Variants in CTC1 observed in about 807,000 individuals in gnomAD.
CTC1 encodes CST complex subunit CTC1.
In CTC1, 91 loss-of-function variants were observed where a neutral mutation model predicts 136.3. The observed-to-expected ratio is 0.67, with a 90% CI of 0.56 to 0.79. The LOEUF (loss-of-function observed/expected upper bound fraction) is 0.79, where lower values mean the gene tolerates loss of function less well. Ranked by LOEUF, CTC1 falls within the 30% of genes least tolerant of loss-of-function variation. The pLI is 0.00. For missense variants in CTC1, 1,432 were observed against 1,498.1 expected (o/e 0.96, Z 0.73); for synonymous variants, 606 against 613.8 (o/e 0.99, Z 0.19).
chr17:8,239,933 C>T (rs1378917863), intron 2 of CTC1, among the ~76,000 whole-genome samples: 1 of 152,130 alleles, frequency 6.6e-6, no homozygotes, highest in Non-Finnish European at 1.5e-5. Context: ...CCTGTTGGCC[C>T]CTGCCATGCA....
chr17:8,244,458 A>C (rs556779782), intron 1 of CTC1, among the ~76,000 whole-genome samples: 19 of 151,988 alleles, frequency 1.3e-4, no homozygotes, highest in Admixed American at 2.0e-4. Flanking sequence ...GCTACTTCTA[A>C]GCCATTACAG....
In CTC1 at chr17:8,226,256, C is replaced by T. The variant is rs1465272730; in HGVS notation, c.*1924G>A. ...ATAAAGGCACCGCTGGGATTCGAAC[C>T]CAGGATCTCCTGTTTACTAGACAGG... On this transcript the variant is annotated 3_prime_UTR_variant, in exon 23 of 23. Transcript: ENST00000651323. 1 of 152,276 alleles carries T rather than the reference C, an allele frequency of 6.6e-6. No individual in the cohort carries two copies. The highest frequency in any genetic ancestry group is 1.5e-5 in the Non-Finnish European group (1 of 68,026). 9.4% of individuals were successfully genotyped at this position (152,276 alleles called of 1,614,324 possible).
In CTC1 at chr17:8,236,246, G is replaced by T; in HGVS notation, c.889C>A (p.His297Asn). 1 of 1,614,166 alleles carries T rather than the reference G, an allele frequency of 6.2e-7. No individual in the cohort carries two copies. Among genetic ancestry groups the T allele is most frequent in the Non-Finnish European group, 8.5e-7 (1 of 1,180,032 alleles). Residue 297 changes from histidine to asparagine, a missense_variant, in exon 6 of 23, where the codon CAT becomes AAT. His to Asn is a moderately conservative substitution (Grantham distance 68, BLOSUM62 1). Coordinates refer to ENST00000651323, the MANE Select transcript of CTC1 (RefSeq NM_025099.6). ...GAGGACTGACTGGTCATCCAAACAT[G>T]CTGGCGCTGACCACGGATCTTGGAC... is the stretch of plus-strand genomic sequence containing the variant. Reference protein sequence around the residue: ...RVSKIRGQRQHVWMTSQSSRL... With the variant: ...RVSKIRGQRQNVWMTSQSSRL...
intron 2 of CTC1, among the ~76,000 whole-genome samples, chr17:8,240,863 C>T (rs1278041400): frequency 2.0e-5 from 3 of 151,448 alleles, no homozygotes; most frequent in Admixed American, 6.6e-5. Context: ...GCCACAAGAG[C>T]GAAATTCCAT....
intron 1 of CTC1, among the ~76,000 whole-genome samples, chr17:8,245,254 T>C (rs773225701): frequency 6.6e-6 from 1 of 152,124 alleles, no homozygotes; most frequent in Non-Finnish European, 1.5e-5. Flanking sequence ...TGAGGTTACC[T>C]ACATAATAAA....
intron 4 of CTC1, 112 bp downstream of exon 4, chr17:8,237,919 G>A (rs1042456803): frequency 1.7e-5 from 14 of 832,110 alleles, no homozygotes; most frequent in Non-Finnish European, 2.7e-5. Flanking sequence ...CCCTTGATTT[G>A]GAACATTCAG....
In CTC1 at chr17:8,242,929, A is replaced by G. The variant is rs1988392195; in HGVS notation, c.197+56T>C. 5.3e-6 allele frequency: 8 copies of G among 1,503,296 alleles called. No individual in the cohort carries two copies. The South Asian group carries it at 6.2e-5, about 12-fold the overall frequency. 93.1% of individuals were successfully genotyped at this position (1,503,296 alleles called of 1,614,324 possible). A position where few individuals can be genotyped will look rare whatever the true frequency, so the allele number is the denominator to read the frequency against. The stretch of plus-strand genomic sequence containing the variant: ...TCTAATTATAGAACCTTACTTTTCA[A>G]TCCTGAATTCAATACCTGCCCCTGC... On this transcript the variant is annotated intron_variant, in intron 2 of 22. Coordinates refer to ENST00000651323, the MANE Select transcript of CTC1 (RefSeq NM_025099.6).
rs1418453315 is a variant in CTC1, at chr17:8,238,999, G to A, written c.198-370C>T. Among the ~76,000 whole-genome samples, 4 of 145,798 alleles carry A rather than the reference G, an allele frequency of 2.7e-5. No homozygotes were observed. In the East Asian group the frequency reaches 8.4e-4, roughly 30 times the overall value. On this transcript the variant is annotated intron_variant, in intron 2 of 22. Transcript: ENST00000651323. ...CCCAGTTTCTTGGGATGCTGAGGCA[G>A]AAGAATTGCTTGAACCCAGGAGATG...
chr17:8,244,899 T>C (rs1463726693), intron 1 of CTC1, among the ~76,000 whole-genome samples: 1 of 152,030 alleles, frequency 6.6e-6, no homozygotes, highest in Non-Finnish European at 1.5e-5. Flanking sequence ...TCAACCTAAA[T>C]GCACATCAAC....
chr17:8,230,067 C>T lies in CTC1; in HGVS notation c.2934-99G>A, dbSNP rs972666575. On this transcript the variant is annotated intron_variant, in intron 17 of 22. Transcript: ENST00000651323. Reference sequence around the variant, plus strand: ...CAAGCACCACAGAGTGGCCACTCCCCCTGAGGGACATATCCTAGCCATGGC... The same window carrying T: ...CAAGCACCACAGAGTGGCCACTCCCTCTGAGGGACATATCCTAGCCATGGC... 1.3e-5 allele frequency: 15 copies of T among 1,179,892 alleles called. No homozygotes were observed. The African/African-American group carries it at 1.5e-4, about 12-fold the overall frequency. 73.1% of individuals were successfully genotyped at this position (1,179,892 alleles called of 1,614,324 possible).
rs191956331 is a variant in CTC1 at position 8,242,849 on chromosome 17, G to C, written c.197+136C>G. 23 of 610,628 alleles carry C rather than the reference G, an allele frequency of 3.8e-5. No homozygotes were observed. The East Asian group carries it at 7.3e-4, about 19-fold the overall frequency. The allele number at this position is 610,628 out of a possible 1,614,324, so 37.8% of individuals were successfully genotyped here. A position where few individuals can be genotyped will look rare whatever the true frequency, so the allele number is the denominator to read the frequency against. On this transcript the variant is annotated intron_variant, in intron 2 of 22. Transcript: ENST00000651323. ...TTGATAGTGTTAGAAAAGCTCTGCAGAAGGGGTATGTTTAGACTACCTTGT... is the reference window on the plus strand; with the variant it reads ...TTGATAGTGTTAGAAAAGCTCTGCACAAGGGGTATGTTTAGACTACCTTGT...
In CTC1 at chr17:8,227,401, G is replaced by A. The variant is rs951926103; in HGVS notation, c.*779C>T. ...GTATATCGATCAAGGATCTGCCTTA[G>A]GCCAGGCCCTTGGGAAACCTACAGG... On this transcript the variant is annotated 3_prime_UTR_variant, in exon 23 of 23. Transcript: ENST00000651323. The A allele has an allele frequency of 1.3e-5, 2 of 152,206 alleles. No homozygotes were observed. The highest frequency in any genetic ancestry group is 4.8e-5 in the African/African-American group (2 of 41,438). The allele number at this position is 152,206 out of a possible 1,614,324, so 9.4% of individuals were successfully genotyped here.
intron 15 of CTC1, among the ~76,000 whole-genome samples, 188 bp downstream of exon 15, chr17:8,231,088 C>T (rs1471359823): frequency 6.6e-6 from 1 of 152,144 alleles, no homozygotes; most frequent in Non-Finnish European, 1.5e-5. Context: ...TTTCAGTGAG[C>T]TGAGATCAGG....
Position 8,228,108 on chromosome 17 carries a change from G to T in CTC1, c.*72C>A. The T allele has an allele frequency of 7.0e-7, 1 of 1,419,616 alleles. No individual in the cohort carries two copies. 87.9% of individuals were successfully genotyped at this position (1,419,616 alleles called of 1,614,324 possible). ...CCTTGGTTCAATCACAGAACAAGTA[G>T]GGAGAGGAGCCAGGACCTAGGCCTT... On this transcript the variant is annotated 3_prime_UTR_variant, in exon 23 of 23. Coordinates refer to ENST00000651323, the MANE Select transcript of CTC1 (RefSeq NM_025099.6).
rs370845759 is a variant in CTC1 at position 8,228,754 on chromosome 17, C to G, written c.3360G>C (p.Gln1120His). ...FVQVPGRVVL[Q>H]FAGPGAQLES... ...CAAGTTGGGCTCCAGGCCCTGCAAA[C>G]TGCAAGACCACTCTGCCTGGCACTT... The change falls in exon 21 of 23, where the codon CAG becomes CAC. Residue 1120 changes from glutamine to histidine, a missense_variant. Gln to His is a conservative substitution (Grantham distance 24). Coordinates refer to ENST00000651323, the MANE Select transcript of CTC1 (RefSeq NM_025099.6). 6.2e-7 allele frequency: 1 copy of G among 1,614,048 alleles called. No individual in the cohort carries two copies. The highest frequency in any genetic ancestry group is 8.5e-7 in the Non-Finnish European group (1 of 1,180,008).
intron 22 of CTC1, 60 bp from the exon 23 acceptor site, chr17:8,228,379 AC>A: frequency 6.2e-7 from 1 of 1,608,312 alleles, no homozygotes; most frequent in East Asian, 2.2e-5. Flanking sequence ...GTTCCCACCC[AC>A]CATTCTCCTC....
chr17:8,230,230 G>A, intron 17 of CTC1, 64 bp downstream of exon 17: 1 of 1,500,478 alleles, frequency 6.7e-7, no homozygotes. Context: ...AGTTAAGCAG[G>A]GGTGCACATT....
chr17:8,238,127 G>T lies in CTC1; in HGVS notation c.551C>A (p.Ala184Asp). The T allele has an allele frequency of 6.2e-7, 1 of 1,614,152 alleles. No homozygotes were observed. Among genetic ancestry groups the T allele is most frequent in the Non-Finnish European group, 8.5e-7 (1 of 1,179,996 alleles). Residue 184 changes from alanine to aspartate, a missense_variant, in exon 4 of 23, where the codon GCC (alanine) becomes GAC (aspartate). Ala to Asp is a moderately radical substitution (Grantham distance 126, BLOSUM62 -2). Transcript: ENST00000651323. ...SGEGHLELWD[A>D]PVPVFPLTIS... is the part of the protein sequence containing the mutation. Reference sequence around the variant, plus strand: ...GGTCAAAGGAAACACTGGCACAGGGGCATCCCACAGCTCCAAGTGCCCTTC... The same window carrying T: ...GGTCAAAGGAAACACTGGCACAGGGTCATCCCACAGCTCCAAGTGCCCTTC...
At position 8,243,153 on chromosome 17, in the gene CTC1, G is replaced by A. The variant is rs1290955911; in HGVS notation, c.34-5C>T. 1.2e-6 allele frequency: 2 copies of A among 1,609,846 alleles called. No homozygotes were observed. Among genetic ancestry groups the A allele is most frequent in the African/African-American group, 2.7e-5 (2 of 74,618 alleles). ...ATCCTCAAGCCAGGCTTGTTCCTGAGGAAAGTGAATTTAGTTAAAACATCT... is the reference window on the plus strand; with the variant it reads ...ATCCTCAAGCCAGGCTTGTTCCTGAAGAAAGTGAATTTAGTTAAAACATCT... On this transcript the variant is annotated splice_region_variant and splice_polypyrimidine_tract_variant and intron_variant, in intron 1 of 22. Coordinates refer to ENST00000651323, the MANE Select transcript of CTC1 (RefSeq NM_025099.6).
Sources: allele counts gnomAD v4.1 joint callset (sites outside exome capture counted in the v4.1 genomes callset), GRCh38; gene constraint gnomAD v4.1.1; transcripts MANE v1.5; gene names NCBI Gene and HGNC (gene_info 2026-07-23, HGNC 2026-07-21).